The following BABAM2 variants were observed in gnomAD, a reference collection of about 807,000 sequenced individuals.
The protein encoded by BABAM2 is BRISC and BRCA1 A complex member 2.
A neutral mutation model predicts 54.7 loss-of-function variants in BABAM2; 31 were observed. The ratio of observed to expected loss-of-function variants is 0.57; its 90% CI spans 0.43 to 0.77. The LOEUF is 0.77. Ranked by LOEUF, BABAM2 falls within the 30% of genes least tolerant of loss-of-function variation. The pLI is 0.00. For missense variants in BABAM2, 364 were observed against 455.8 expected, an observed-to-expected ratio of 0.80 and a Z score of 1.83; for synonymous variants, 167 against 162.9, an observed-to-expected ratio of 1.03 and a Z score of -0.19.
chr2:28,321,405 C>T (rs1014370049), intron 11 of BABAM2, among the ~76,000 whole-genome samples: 1 of 152,162 alleles, frequency 6.6e-6, no homozygotes, highest in Admixed American at 6.5e-5. Flanking sequence ...CAGGAGGTTC[C>T]ATCTCTAACC....
At chr2:28,050,392 T>G (rs1372891508) in intron 6 of BABAM2, among the ~76,000 whole-genome samples, 1 of 152,170 alleles carries the variant, frequency 6.6e-6, no homozygotes, top group Non-Finnish European at 1.5e-5. Context: ...ATTTATACTA[T>G]ACAGTGTGGT....
At position 28,280,286 on chromosome 2, in the gene BABAM2, C is replaced by T. The variant is rs188760374; in HGVS notation, c.935-18052C>T. On this transcript the variant is annotated intron_variant, in intron 10 of 11. Coordinates refer to ENST00000379624, the MANE Select transcript of BABAM2 (RefSeq NM_199191.3). ...ATGTTGCCCAGGCTAGTCTCAAATT[C>T]CCTGGGCTCAAGCAATCCTGCTTTA... 4.3e-3 allele frequency among the ~76,000 whole-genome samples: 649 copies of T among 151,414 alleles called. 5 individuals are homozygous for T. Among genetic ancestry groups the T allele is most frequent in the Middle Eastern group, 0.02 (6 of 294 alleles).
At chr2:28,113,169 G>T (rs572550524) in intron 6 of BABAM2, among the ~76,000 whole-genome samples, 4 of 152,296 alleles carry the variant, frequency 2.6e-5, no homozygotes, top group African/African-American at 7.2e-5. Context: ...TCACTCTGAT[G>T]ATAGTTTCTT....
Position 28,019,624 on chromosome 2 carries a change from C to T in BABAM2, c.301-5602C>T, listed in dbSNP as rs540097776. 5.9e-5 allele frequency among the ~76,000 whole-genome samples: 9 copies of T among 152,218 alleles called. No homozygotes were observed. The South Asian group carries it at 1.7e-3, about 28-fold the overall frequency. On this transcript the variant is annotated intron_variant, in intron 4 of 11. Transcript: ENST00000379624. ...TTATCTTATAGAATCTTTATGGTTT[C>T]AGGTCTTATATTTAAGTCTTTCATC...
At chr2:28,082,360 C>G (rs1355924754) in intron 6 of BABAM2, among the ~76,000 whole-genome samples, 1 of 152,152 alleles carries the variant, frequency 6.6e-6, no homozygotes, top group Non-Finnish European at 1.5e-5. Context: ...AAAAGAAGAG[C>G]AGAAATACTG....
At chr2:27,901,894 C>T (rs1165163772) in intron 2 of BABAM2, among the ~76,000 whole-genome samples, 4 of 151,960 alleles carry the variant, frequency 2.6e-5, no homozygotes, top group East Asian at 1.9e-4. Flanking sequence ...TATTATTTTG[C>T]GTGTTTAAAA....
At chr2:28,323,160 C>A (rs892708238) in intron 11 of BABAM2, among the ~76,000 whole-genome samples, 4 of 152,222 alleles carry the variant, frequency 2.6e-5, no homozygotes, top group Admixed American at 1.3e-4. Flanking sequence ...AATGCAGTCC[C>A]TTACCCCTGC....
chr2:27,947,498 A>C (rs532063568), intron 3 of BABAM2, among the ~76,000 whole-genome samples: 26 of 152,242 alleles, frequency 1.7e-4, no homozygotes, highest in Admixed American at 1.6e-3. Context: ...ATTTCTTTAT[A>C]TGTGATAAAT....
At chr2:28,212,587 G>A (rs1679565199) in intron 7 of BABAM2, among the ~76,000 whole-genome samples, 1 of 152,094 alleles carries the variant, frequency 6.6e-6, no homozygotes, top group Middle Eastern at 3.4e-3. Context: ...TTTATCTTTA[G>A]CATCAACATT....
intron 6 of BABAM2, among the ~76,000 whole-genome samples, chr2:28,059,330 A>G (rs191162857): frequency 6.6e-6 from 1 of 152,234 alleles, no homozygotes; most frequent in Non-Finnish European, 1.5e-5. Context: ...TCTTCCTTGT[A>G]TCTGTTGCAG....
chr2:27,955,981 G>GTT (rs11390343), intron 3 of BABAM2, among the ~76,000 whole-genome samples: 101 of 149,564 alleles, frequency 6.8e-4, no homozygotes, highest in South Asian at 3.8e-3. Context: ...TTGGCAACAT[G>GTT]TTTTTTTTTT....
intron 6 of BABAM2, among the ~76,000 whole-genome samples, chr2:28,106,490 A>G (rs1342253643): frequency 6.6e-6 from 1 of 152,204 alleles, no homozygotes; most frequent in African/African-American, 2.4e-5. Flanking sequence ...CATTTACAAC[A>G]TTTTTGAAGA....
At chr2:28,229,714 A>G (rs1681201339) in intron 7 of BABAM2, among the ~76,000 whole-genome samples, 3 of 151,772 alleles carry the variant, frequency 2.0e-5, no homozygotes, top group Non-Finnish European at 4.4e-5. Flanking sequence ...CCTCCCAAGT[A>G]GCTGGAACTA....
intron 2 of BABAM2, among the ~76,000 whole-genome samples, chr2:27,919,728 T>A (rs1461318129): frequency 6.6e-6 from 1 of 152,226 alleles, no homozygotes; most frequent in East Asian, 1.9e-4. Flanking sequence ...CCGATCCTAG[T>A]TAGCTGTTAA....
At chr2:28,080,452 C>G (rs886655361) in intron 6 of BABAM2, among the ~76,000 whole-genome samples, 2 of 152,044 alleles carry the variant, frequency 1.3e-5, no homozygotes, top group African/African-American at 4.8e-5. Flanking sequence ...GGATAGACTA[C>G]CTGGATGAGG....
chr2:28,255,295 A>G (rs1573941034), intron 10 of BABAM2, among the ~76,000 whole-genome samples: 1 of 152,092 alleles, frequency 6.6e-6, no homozygotes, highest in Admixed American at 6.6e-5. Context: ...TTTTTTTAAG[A>G]TGGAGTCTCA....
chr2:28,242,169 C>T (rs1476300439), intron 9 of BABAM2, among the ~76,000 whole-genome samples: 2 of 152,126 alleles, frequency 1.3e-5, no homozygotes. Context: ...CCCCATTTCC[C>T]CAGCACTCAG....
chr2:28,321,330 A>G (rs1193549915), intron 11 of BABAM2, among the ~76,000 whole-genome samples: 1 of 152,156 alleles, frequency 6.6e-6, no homozygotes, highest in East Asian at 1.9e-4. Context: ...TCGAAAATCC[A>G]TGTTCTTCCC....
At chr2:27,972,412 G>A (rs1488307602) in intron 3 of BABAM2, among the ~76,000 whole-genome samples, 4 of 152,172 alleles carry the variant, frequency 2.6e-5, no homozygotes, top group South Asian at 4.1e-4. Flanking sequence ...ATCTAATGAG[G>A]CAGGGAGGAC....
Sources: allele counts gnomAD v4.1 joint callset (sites outside exome capture counted in the v4.1 genomes callset), GRCh38; gene constraint gnomAD v4.1.1; transcripts MANE v1.5; gene names NCBI Gene and HGNC (gene_info 2026-07-23, HGNC 2026-07-21).